Variants in DPH6 observed in about 807,000 individuals in gnomAD.
DPH6 encodes the protein diphthamine biosynthesis 6, also known as diphthine--ammonia ligase.
DPH6 carries 33 observed loss-of-function variants against 38.2 expected under a neutral mutation model. That is an observed-to-expected ratio of 0.86 (90% CI 0.65 to 1.15). The LOEUF (loss-of-function observed/expected upper bound fraction) is 1.15. DPH6 is among the 50% of genes most tolerant of loss of function. The probability of loss-of-function intolerance (pLI) is 0.00; values close to 1 mark genes in which losing one functional copy is unlikely to be tolerated. For missense variants in DPH6, 325 were observed against 320.0 expected (o/e 1.02, Z -0.12); for synonymous variants, 108 against 103.0 (o/e 1.05, Z -0.30).
chr15:35,280,645 T>C (rs573876628), intron 3 of DPH6, among the ~76,000 whole-genome samples: 15 of 152,362 alleles, frequency 9.8e-5, no homozygotes, highest in African/African-American at 3.6e-4. Flanking sequence ...CCATTTATCT[T>C]AAACATATTA....
chr15:35,420,516 T>C (rs994169373), intron 5 of DPH6, among the ~76,000 whole-genome samples: 1 of 152,162 alleles, frequency 6.6e-6, no homozygotes, highest in Non-Finnish European at 1.5e-5. Context: ...TATTTTATTT[T>C]ATTTTAATTA....
chr15:35,468,997 GGCGGAGGTT>G (rs1176142093), intron 3 of DPH6, among the ~76,000 whole-genome samples: 1 of 152,100 alleles, frequency 6.6e-6, no homozygotes, highest in Non-Finnish European at 1.5e-5. Flanking sequence ...GAATCCGGGA[GGCGGAGGTT>G]GCAGTGAGCC....
At chr15:35,495,057 T>C (rs1319151672) in intron 3 of DPH6, among the ~76,000 whole-genome samples, 2 of 152,158 alleles carry the variant, frequency 1.3e-5, no homozygotes, top group African/African-American at 2.4e-5. Context: ...AAAATTCAAA[T>C]TGTATTCCTA....
intron 3 of DPH6, chr15:35,283,031 T>A (rs1460147494): frequency 5.4e-6 from 1 of 185,240 alleles, no homozygotes; most frequent in Non-Finnish European, 1.1e-5. Flanking sequence ...TCTTCTTCCT[T>A]CTTCTTCTTC....
chr15:35,173,893 G>A, the DPH6 span, among the ~76,000 whole-genome samples: 2 of 152,076 alleles, frequency 1.3e-5, no homozygotes, highest in Non-Finnish European at 2.9e-5. Context: ...TCTCTGAATT[G>A]CACTGGTATG....
intron 3 of DPH6, chr15:35,282,644 C>A: frequency 2.4e-6 from 1 of 418,458 alleles, no homozygotes; most frequent in Non-Finnish European, 4.9e-6. Flanking sequence ...CTTCATTCAG[C>A]ATTACTACCA....
chr15:35,390,597 TTCCA>T (rs2053040729), intron 6 of DPH6, among the ~76,000 whole-genome samples: 1 of 152,218 alleles, frequency 6.6e-6, no homozygotes, highest in East Asian at 1.9e-4. Flanking sequence ...TCATTTTGTC[TTCCA>T]TCGCTGATAC....
At chr15:35,282,123 G>T (rs2051903184) in intron 3 of DPH6, among the ~76,000 whole-genome samples, 2 of 152,074 alleles carry the variant, frequency 1.3e-5, no homozygotes, top group African/African-American at 4.8e-5. Flanking sequence ...CTAGTTCGTT[G>T]TTTGTTTTTG....
chr15:35,377,340 C>CATCCATCCATCA (rs2052795423), intron 7 of DPH6, among the ~76,000 whole-genome samples: 1 of 152,008 alleles, frequency 6.6e-6, no homozygotes, highest in South Asian at 2.1e-4. Context: ...TCCATCCATC[C>CATCCATCCATCA]ATCCATCCAT....
At chr15:35,255,969 AATATAC>A (rs1371526930) in intron 3 of DPH6, among the ~76,000 whole-genome samples, 1 of 152,054 alleles carries the variant, frequency 6.6e-6, no homozygotes, top group Non-Finnish European at 1.5e-5. Flanking sequence ...CTTATAAATA[AATATAC>A]AGTATATAAT....
intron 3 of DPH6, among the ~76,000 whole-genome samples, chr15:35,315,223 A>G (rs758576783): frequency 2.0e-5 from 3 of 152,136 alleles, no homozygotes; most frequent in South Asian, 2.1e-4. Context: ...CCTCTCACCA[A>G]CCAGCTCCCA....
intron 3 of DPH6, among the ~76,000 whole-genome samples, chr15:35,303,927 T>TA (rs1284346300): frequency 4.6e-5 from 7 of 151,880 alleles, no homozygotes; most frequent in Non-Finnish European, 1.0e-4. Context: ...TTCCTGAAAA[T>TA]AATATTGTAG....
intron 3 of DPH6, among the ~76,000 whole-genome samples, chr15:35,487,203 A>C (rs559755556): frequency 6.6e-6 from 1 of 152,236 alleles, no homozygotes; most frequent in African/African-American, 2.4e-5. Context: ...GGGATCTACC[A>C]TTCTGGGGTT....
intron 3 of DPH6, among the ~76,000 whole-genome samples, chr15:35,250,014 A>AC (rs1322215836): frequency 6.6e-6 from 1 of 151,092 alleles, no homozygotes; most frequent in Non-Finnish European, 1.5e-5. Flanking sequence ...ATATAAAAAA[A>AC]AATTAGCCGG....
chr15:35,272,918 A>T (rs545514042), intron 3 of DPH6, among the ~76,000 whole-genome samples: 4 of 151,112 alleles, frequency 2.6e-5, no homozygotes, highest in African/African-American at 9.7e-5. Context: ...AAAAAAAAAA[A>T]CAAACCAAAA....
chr15:35,536,199 C>T (rs975131899), intron 3 of DPH6, among the ~76,000 whole-genome samples: 1 of 151,798 alleles, frequency 6.6e-6, no homozygotes, highest in Non-Finnish European at 1.5e-5. Flanking sequence ...TATGTAAGAC[C>T]TCCACTGGAA....
chr15:35,248,082 GTAAC>G (rs1432783952), intron 3 of DPH6, among the ~76,000 whole-genome samples: 1 of 152,200 alleles, frequency 6.6e-6, no homozygotes, highest in African/African-American at 2.4e-5. Context: ...AAGTCCATGT[GTAAC>G]TAACTAAAAG....
At chr15:35,449,377 C>T (rs1478295091) in intron 5 of DPH6, among the ~76,000 whole-genome samples, 4 of 152,048 alleles carry the variant, frequency 2.6e-5, no homozygotes, top group Non-Finnish European at 4.4e-5. Context: ...CACACAATAT[C>T]GGTTATATAC....
intron 3 of DPH6, among the ~76,000 whole-genome samples, chr15:35,223,224 G>C (rs980524642): frequency 5.3e-5 from 8 of 152,134 alleles, no homozygotes; most frequent in African/African-American, 1.9e-4. Flanking sequence ...ATGATGGAAG[G>C]CATCACATGG....
Sources: allele counts gnomAD v4.1 joint callset (sites outside exome capture counted in the v4.1 genomes callset), GRCh38; gene constraint gnomAD v4.1.1; transcripts MANE v1.5; gene names NCBI Gene and HGNC (gene_info 2026-07-23, HGNC 2026-07-21).